The following DAPK1 variants were observed in gnomAD, a reference collection of about 807,000 sequenced individuals.
The protein encoded by DAPK1 is death associated protein kinase 1.
A neutral mutation model predicts 144.9 loss-of-function variants in DAPK1; 56 were observed. That is an observed-to-expected ratio of 0.39 (90% CI 0.31 to 0.48). The LOEUF (loss-of-function observed/expected upper bound fraction) is 0.48. Ranked by LOEUF, DAPK1 falls within the 20% of genes least tolerant of loss-of-function variation. The pLI is 0.95. For synonymous variants in DAPK1, 690 were observed against 749.0 expected, an observed-to-expected ratio of 0.92 and a Z score of 1.29; for missense variants, 1,454 against 1,875.4, an observed-to-expected ratio of 0.78 and a Z score of 4.15.
intron 3 of DAPK1, among the ~76,000 whole-genome samples, chr9:87,609,584 G>T: frequency 6.6e-6 from 1 of 152,222 alleles, no homozygotes; most frequent in East Asian, 1.9e-4. Context: ...AGAAACAGTC[G>T]TCTTTGCCTT....
chr9:87,697,782 A>G (rs972013188), intron 22 of DAPK1, among the ~76,000 whole-genome samples: 2 of 152,166 alleles, frequency 1.3e-5, no homozygotes, highest in African/African-American at 4.8e-5. Flanking sequence ...GCAAAACCTC[A>G]TCTCTACAAA....
At chr9:87,588,751 T>A (rs536481271) in intron 2 of DAPK1, among the ~76,000 whole-genome samples, 1 of 152,322 alleles carries the variant, frequency 6.6e-6, no homozygotes, top group African/African-American at 2.4e-5. Context: ...ATCACAGAGA[T>A]TCAGAAAATG....
intron 18 of DAPK1, among the ~76,000 whole-genome samples, chr9:87,659,805 T>G (rs367693874): frequency 4.0e-4 from 59 of 148,630 alleles, no homozygotes; most frequent in African/African-American, 1.4e-3. Context: ...TGCAGCCCCC[T>G]CAGTCACTCT....
At chr9:87,586,014 A>G (rs985524319) in intron 2 of DAPK1, among the ~76,000 whole-genome samples, 7 of 152,144 alleles carry the variant, frequency 4.6e-5, no homozygotes, top group African/African-American at 1.7e-4. Context: ...ATACCTGGGT[A>G]TGGTGGCTCA....
At chr9:87,687,153 T>A (rs973531539) in intron 21 of DAPK1, among the ~76,000 whole-genome samples, 1 of 152,232 alleles carries the variant, frequency 6.6e-6, no homozygotes, top group African/African-American at 2.4e-5. Context: ...TCCTCTCTTC[T>A]AGCTATTTTG....
chr9:87,639,965 T>C (rs36211674), intron 7 of DAPK1, 150 bp downstream of exon 7: 13,569 of 824,356 alleles, frequency 0.016, 178 homozygotes, highest in South Asian at 0.03. Flanking sequence ...CATGTTTAGT[T>C]TATACTAATT....
At chr9:87,614,417 GT>G (rs1389916279) in intron 3 of DAPK1, among the ~76,000 whole-genome samples, 1 of 152,216 alleles carries the variant, frequency 6.6e-6, no homozygotes, top group African/African-American at 2.4e-5. Flanking sequence ...CGTGGTTAAA[GT>G]TTGGGAAACT....
chr9:87,661,910 T>C (rs1358935034), intron 18 of DAPK1, among the ~76,000 whole-genome samples: 1 of 152,234 alleles, frequency 6.6e-6, no homozygotes, highest in African/African-American at 2.4e-5. Context: ...GACCCATGTT[T>C]AGAAAGTTTT....
At chr9:87,544,534 A>G (rs1484489948) in intron 2 of DAPK1, among the ~76,000 whole-genome samples, 2 of 152,228 alleles carry the variant, frequency 1.3e-5, no homozygotes, top group African/African-American at 4.8e-5. Context: ...AAATATGCAT[A>G]TAAGTATACA....
At position 87,707,109 on chromosome 9, in the gene DAPK1, T is replaced by C. The variant is rs754841061; in HGVS notation, c.4038T>C (p.Ser1346=). The change falls in exon 26 of 26, where the codon AGT becomes AGC. Residue 1346 remains serine, a synonymous_variant. Transcript: ENST00000408954. The surrounding 1 kb of genome is among the most constrained non-coding windows in gnomAD (Gnocchi z 4.0). ...LPDLVAKYNT[S]NGAPKDFLPS... Reference sequence around the variant, plus strand: ...ACCTCGTGGCAAAGTACAACACCAGTAACGGGGCTCCCAAGGATTTCCTCC... The same window carrying C: ...ACCTCGTGGCAAAGTACAACACCAGCAACGGGGCTCCCAAGGATTTCCTCC... 2 of 1,613,920 alleles carry C rather than the reference T, an allele frequency of 1.2e-6. No individual in the cohort carries two copies.
chr9:87,538,279 C>T (rs971212448), intron 2 of DAPK1, among the ~76,000 whole-genome samples: 9 of 152,002 alleles, frequency 5.9e-5, no homozygotes, highest in African/African-American at 2.2e-4. Flanking sequence ...CTTTAATTAT[C>T]AAACTAATAA....
chr9:87,566,217 T>A (rs989276495), intron 2 of DAPK1, among the ~76,000 whole-genome samples: 23 of 152,042 alleles, frequency 1.5e-4, no homozygotes, highest in African/African-American at 5.3e-4. Context: ...GAGATGGGGT[T>A]TCACCATGTT....
At chr9:87,571,508 C>CACACACACACACACACAG (rs1827355997) in intron 2 of DAPK1, among the ~76,000 whole-genome samples, 2 of 146,562 alleles carry the variant, frequency 1.4e-5, no homozygotes, top group Non-Finnish European at 3.0e-5. Flanking sequence ...AACACACACA[C>CACACACACACACACACAG]ACACACACAC....
chr9:87,674,514 C>CAAAAA (rs35817698), intron 19 of DAPK1, among the ~76,000 whole-genome samples: 1 of 67,620 alleles, frequency 1.5e-5, no homozygotes, highest in Non-Finnish European at 2.7e-5. Flanking sequence ...GACTCTGTCT[C>CAAAAA]AAAAAAAAAA....
chr9:87,518,232 C>G (rs1289564596), intron 2 of DAPK1, among the ~76,000 whole-genome samples: 1 of 150,502 alleles, frequency 6.6e-6, no homozygotes, highest in Non-Finnish European at 1.5e-5. Context: ...CTGCCTCAGT[C>G]TCCCATGTAG....
chr9:87,695,622 A>G (rs1825229884), intron 21 of DAPK1, among the ~76,000 whole-genome samples: 1 of 152,080 alleles, frequency 6.6e-6, no homozygotes, highest in Non-Finnish European at 1.5e-5. Flanking sequence ...TTCCTGCCTG[A>G]AGGACCCCAC....
intron 2 of DAPK1, among the ~76,000 whole-genome samples, chr9:87,596,155 G>C (rs1216189584): frequency 6.6e-6 from 1 of 152,116 alleles, no homozygotes; most frequent in African/African-American, 2.4e-5. Context: ...CCTTCATCCT[G>C]TGCTGAAATC....
At chr9:87,592,211 C>T (rs534886073) in intron 2 of DAPK1, among the ~76,000 whole-genome samples, 13 of 152,282 alleles carry the variant, frequency 8.5e-5, no homozygotes, top group African/African-American at 2.9e-4. Flanking sequence ...AGCTCCTTAG[C>T]CCCCAGCCCA....
chr9:87,512,940 C>G (rs1824905541), intron 2 of DAPK1, among the ~76,000 whole-genome samples: 1 of 151,758 alleles, frequency 6.6e-6, no homozygotes, highest in South Asian at 2.1e-4. Flanking sequence ...AGCCACCATG[C>G]CTGGCCGAGA....
Sources: allele counts gnomAD v4.1 joint callset (sites outside exome capture counted in the v4.1 genomes callset), GRCh38; gene constraint gnomAD v4.1.1; non-coding constraint Gnocchi (gnomAD v3.1); transcripts MANE v1.5; gene names NCBI Gene and HGNC (gene_info 2026-07-23, HGNC 2026-07-21).